The following MAPKAPK2 variants were observed in gnomAD, a reference collection of about 807,000 sequenced individuals.
MAPKAPK2 encodes the protein MAPK activated protein kinase 2, also known as MAP kinase-activated protein kinase 2.
Under a neutral mutation model 48.8 loss-of-function variants are expected in MAPKAPK2, and 9 were observed. That is an observed-to-expected ratio of 0.18 (90% confidence interval 0.11 to 0.32). MAPKAPK2 has a LOEUF of 0.32. Among genes scored for constraint, MAPKAPK2 ranks in the 10% least tolerant of loss-of-function variants. The pLI is 1.00. For synonymous variants in MAPKAPK2, 202 were observed against 190.6 expected (o/e 1.06, Z -0.49); for missense variants, 331 against 498.3 (o/e 0.66, Z 3.20).
At chr1:206,708,756 C>T (rs1008334017) in intron 1 of MAPKAPK2, among the ~76,000 whole-genome samples, 2 of 152,178 alleles carry the variant, frequency 1.3e-5, no homozygotes, top group Non-Finnish European at 1.5e-5. Flanking sequence ...TTAATTCCCT[C>T]GTGTTGTTTC....
At chr1:206,707,626 C>T (rs541043762) in intron 1 of MAPKAPK2, among the ~76,000 whole-genome samples, 2 of 152,238 alleles carry the variant, frequency 1.3e-5, no homozygotes, top group South Asian at 2.1e-4. Flanking sequence ...CTCTCTGCAC[C>T]TTAGTTTCCG....
chr1:206,697,811 A>G (rs1672676197), intron 1 of MAPKAPK2, among the ~76,000 whole-genome samples: 1 of 152,250 alleles, frequency 6.6e-6, no homozygotes, highest in Admixed American at 6.5e-5. Flanking sequence ...GCCACAACAG[A>G]TTTACACAAG....
At chr1:206,729,552 G>A in intron 4 of MAPKAPK2, 77 bp downstream of exon 4, 1 of 1,266,244 alleles carries the variant, frequency 7.9e-7, no homozygotes, top group Non-Finnish European at 1.2e-6. Flanking sequence ...AGAGATGGTT[G>A]CCAGGCCACC....
In MAPKAPK2 at chr1:206,732,664, G is replaced by A; in HGVS notation, c.1149G>A (p.Leu383=). Residue 383 remains leucine (L), a synonymous_variant, in exon 10 of 10, where the codon CTG becomes CTA. Coordinates refer to ENST00000367103, the MANE Select transcript of MAPKAPK2 (RefSeq NM_032960.4). This position sits in a 1 kb window ranked among gnomAD's most constrained non-coding sequence, Gnocchi z 4.4. ...KKIEDASNPL[L]LKRRKKARAL... Reference sequence around the variant, plus strand: ...TTGAAGATGCATCCAACCCTCTGCTGCTGAAGAGGCGGAAGAAAGCTCGGG... The same window carrying A: ...TTGAAGATGCATCCAACCCTCTGCTACTGAAGAGGCGGAAGAAAGCTCGGG... 6.2e-7 allele frequency: 1 copy of A among 1,614,232 alleles called. No individual in the cohort carries two copies. Among genetic ancestry groups the A allele is most frequent in the East Asian group, 2.2e-5 (1 of 44,888 alleles).
rs1673977653 is a variant in MAPKAPK2 at position 206,732,973 on chromosome 1, TAA to T, written c.*256_*257del. ...TGTGCTCATTTTGCAATTTTATCAG[TAA>T]TTTGACTTAGAGTTTTTACGAAACC... On this transcript the variant is annotated 3_prime_UTR_variant, in exon 10 of 10. Transcript: ENST00000367103. The surrounding 1 kb of genome is among the most constrained non-coding windows in gnomAD (Gnocchi z 4.4). 4.3e-6 allele frequency: 2 copies of T among 470,274 alleles called. No homozygotes were observed. Among genetic ancestry groups the T allele is most frequent in the South Asian group, 7.0e-5 (2 of 28,762 alleles). 29.1% of individuals were successfully genotyped at this position (470,274 alleles called of 1,614,324 possible).
At chr1:206,702,878 C>A (rs1344667935) in intron 1 of MAPKAPK2, among the ~76,000 whole-genome samples, 1 of 152,216 alleles carries the variant, frequency 6.6e-6, no homozygotes, top group Admixed American at 6.5e-5. Flanking sequence ...CTGTATTTAT[C>A]CTTCAAGGCT....
intron 1 of MAPKAPK2, among the ~76,000 whole-genome samples, chr1:206,693,592 T>G (rs782502804): frequency 1.3e-5 from 2 of 152,122 alleles, no homozygotes; most frequent in Non-Finnish European, 2.9e-5. Context: ...AGCCCTGGCT[T>G]CCTCCAGTTT....
intron 1 of MAPKAPK2, chr1:206,695,999 G>T (rs1672612718): frequency 2.6e-6 from 2 of 767,286 alleles, no homozygotes; most frequent in African/African-American, 1.7e-5. Flanking sequence ...GGAGTTCGAT[G>T]TGTAGGGCAG....
chr1:206,730,779 AGGGGGCTGGGT>A lies in MAPKAPK2; in HGVS notation c.767+21_767+31del. On this transcript the variant is annotated intron_variant, in intron 6 of 9. Coordinates refer to ENST00000367103, the MANE Select transcript of MAPKAPK2 (RefSeq NM_032960.4). ...TGTACATCCTGTGAGTGTGCTGGGGAGGGGGCTGGGTGGGGCAGGGAGTCAGGGCGGCCTGT... is the reference window on the plus strand; with the variant it reads ...TGTACATCCTGTGAGTGTGCTGGGGAGGGGCAGGGAGTCAGGGCGGCCTGT... 3 of 541,482 alleles carry A rather than the reference AGGGGGCTGGGT, an allele frequency of 5.5e-6. No homozygotes were observed. Among genetic ancestry groups the A allele is most frequent in the Non-Finnish European group, 1.0e-5 (3 of 297,584 alleles). 33.5% of individuals were successfully genotyped at this position (541,482 alleles called of 1,614,324 possible). A position where few individuals can be genotyped will look rare whatever the true frequency, so the allele number is the denominator to read the frequency against.
At chr1:206,711,303 G>T (rs782078897) in intron 1 of MAPKAPK2, among the ~76,000 whole-genome samples, 1 of 152,206 alleles carries the variant, frequency 6.6e-6, no homozygotes, top group Non-Finnish European at 1.5e-5. Flanking sequence ...AGGCTGGAGC[G>T]CAGTGGCGCT....
intron 1 of MAPKAPK2, among the ~76,000 whole-genome samples, chr1:206,694,805 A>G (rs1258448380): frequency 1.3e-5 from 2 of 152,244 alleles, no homozygotes; most frequent in African/African-American, 4.8e-5. Context: ...GCTGAGTTGG[A>G]CAGCCCAGCA....
At chr1:206,689,371 C>T (rs1672382636) in intron 1 of MAPKAPK2, among the ~76,000 whole-genome samples, 1 of 152,192 alleles carries the variant, frequency 6.6e-6, no homozygotes, top group Non-Finnish European at 1.5e-5. Context: ...CCCACATCCC[C>T]ACAGTACAGG....
chr1:206,721,897 C>T (rs1436988092), intron 1 of MAPKAPK2, among the ~76,000 whole-genome samples: 1 of 152,138 alleles, frequency 6.6e-6, no homozygotes, highest in East Asian at 1.9e-4. Context: ...GAAACCCTGT[C>T]TCTACTAAAA....
intron 1 of MAPKAPK2, among the ~76,000 whole-genome samples, chr1:206,720,792 C>T (rs1329671185): frequency 6.6e-6 from 1 of 152,086 alleles, no homozygotes; most frequent in Non-Finnish European, 1.5e-5. Flanking sequence ...AGAAAGTACA[C>T]ATTGGGATTT....
At chr1:206,705,172 A>C (rs538880984) in intron 1 of MAPKAPK2, among the ~76,000 whole-genome samples, 2 of 152,312 alleles carry the variant, frequency 1.3e-5, no homozygotes, top group East Asian at 3.9e-4. Context: ...ACTCTGGGTC[A>C]GCACAAGTTG....
At chr1:206,710,279 T>C (rs1553429260) in intron 1 of MAPKAPK2, among the ~76,000 whole-genome samples, 1 of 152,264 alleles carries the variant, frequency 6.6e-6, no homozygotes, top group Non-Finnish European at 1.5e-5. Context: ...ATGCTCTTCA[T>C]GGTCACTGAC....
intron 1 of MAPKAPK2, among the ~76,000 whole-genome samples, chr1:206,712,314 A>T (rs563989288): frequency 2.0e-5 from 3 of 152,344 alleles, no homozygotes; most frequent in African/African-American, 7.2e-5. Flanking sequence ...CCTGTATTAC[A>T]GTGAAGGAAA....
At chr1:206,719,737 T>C (rs1673455582) in intron 1 of MAPKAPK2, among the ~76,000 whole-genome samples, 1 of 152,224 alleles carries the variant, frequency 6.6e-6, no homozygotes, top group Non-Finnish European at 1.5e-5. Context: ...CAAGCTGGGC[T>C]AATTGAGAAG....
rs1673901093 is a variant in MAPKAPK2, at chr1:206,731,280, C to T, written c.892+18C>T. The T allele has an allele frequency of 6.2e-7, 1 of 1,613,782 alleles. No individual in the cohort carries two copies. Among genetic ancestry groups the T allele is most frequent in the Non-Finnish European group, 8.5e-7 (1 of 1,179,970 alleles). ...AGAGGAAGGTAAGAACCCAGGCTTT[C>T]AGGACAAGGGGAAGAGCCCGTGTGT... On this transcript the variant is annotated intron_variant, in intron 7 of 9. Transcript: ENST00000367103. This position sits in a 1 kb window ranked among gnomAD's most constrained non-coding sequence, Gnocchi z 5.9.
Sources: gnomAD v4.1 joint callset for allele counts (sites outside exome capture counted in the v4.1 genomes callset) on GRCh38, gnomAD v4.1.1 for gene constraint, Gnocchi (gnomAD v3.1) non-coding constraint, MANE v1.5 for transcripts, NCBI Gene and HGNC (gene_info 2026-07-23, HGNC 2026-07-21) for gene names.